Variants in PRKN observed in about 807,000 individuals in gnomAD.
The protein encoded by PRKN is parkin RBR E3 ubiquitin protein ligase.
In PRKN, 56 loss-of-function variants were observed where a neutral mutation model predicts 59.5. The ratio of observed to expected loss-of-function variants is 0.94; its 90% CI spans 0.76 to 1.18. The LOEUF (loss-of-function observed/expected upper bound fraction) is 1.18. Among genes scored for constraint, PRKN ranks in the 50% most tolerant of loss-of-function variants. The pLI is 0.00. For missense variants in PRKN, 657 were observed against 596.4 expected (o/e 1.10, Z -1.06); for synonymous variants, 250 against 222.1 (o/e 1.13, Z -1.12).
chr6:161,463,923 T>G lies in PRKN; in HGVS notation c.1084-77046A>C, dbSNP rs1172684751. On this transcript the variant is annotated intron_variant, in intron 9 of 11. Coordinates refer to ENST00000366898, the MANE Select transcript of PRKN (RefSeq NM_004562.3). This position sits in a 1 kb window ranked among gnomAD's most constrained non-coding sequence, Gnocchi z 4.8. Reference sequence around the variant, plus strand: ...CTCCATAGAGCTAGGATGGTAGACATCAACATACAGAGACCTTTAGGGTTT... The same window carrying G: ...CTCCATAGAGCTAGGATGGTAGACAGCAACATACAGAGACCTTTAGGGTTT... Among the ~76,000 whole-genome samples the G allele has an allele frequency of 6.6e-6, 1 of 152,220 alleles. No homozygotes were observed. Among genetic ancestry groups the G allele is most frequent in the Non-Finnish European group, 1.5e-5 (1 of 68,046 alleles).
At chr6:162,365,155 CA>C (rs927255049) in intron 2 of PRKN, among the ~76,000 whole-genome samples, 4 of 151,786 alleles carry the variant, frequency 2.6e-5, no homozygotes, top group African/African-American at 9.7e-5. Flanking sequence ...AAAAATCACA[CA>C]AAAGTGTATA....
intron 6 of PRKN, among the ~76,000 whole-genome samples, chr6:161,946,438 TCTCTCTCTCTCTC>T (rs1192524777): frequency 6.7e-6 from 1 of 150,192 alleles, no homozygotes; most frequent in African/African-American, 2.5e-5. Flanking sequence ...TCTCTCTCTC[TCTCTCTCTCTCTC>T]AATACAAAAG....
intron 7 of PRKN, among the ~76,000 whole-genome samples, chr6:161,675,516 G>T (rs761025601): frequency 2.6e-5 from 4 of 152,194 alleles, no homozygotes; most frequent in Non-Finnish European, 5.9e-5. Context: ...AAAACGCAAA[G>T]ACAACTGTGA....
In PRKN at chr6:161,372,344, C is replaced by T. The variant is rs548660837; in HGVS notation, c.1168-12139G>A. Among the ~76,000 whole-genome samples the T allele has an allele frequency of 6.6e-6, 1 of 152,266 alleles. No homozygotes were observed. The highest frequency in any genetic ancestry group is 1.5e-5 in the Non-Finnish European group (1 of 68,018). Reference sequence around the variant, plus strand: ...ATCCACATAGATGGGATTCTGAATGCGGAATCATCACTAATAGGATGTGAG... The same window carrying T: ...ATCCACATAGATGGGATTCTGAATGTGGAATCATCACTAATAGGATGTGAG... On this transcript the variant is annotated intron_variant, in intron 10 of 11. Coordinates refer to ENST00000366898, the MANE Select transcript of PRKN (RefSeq NM_004562.3). The surrounding 1 kb of genome is among the most constrained non-coding windows in gnomAD (Gnocchi z 4.2).
At chr6:162,244,385 A>G (rs527842236) in intron 3 of PRKN, among the ~76,000 whole-genome samples, 1 of 152,078 alleles carries the variant, frequency 6.6e-6, no homozygotes, top group Non-Finnish European at 1.5e-5. Flanking sequence ...CAGGGAAAAA[A>G]AAAGCTTTAG....
intron 2 of PRKN, among the ~76,000 whole-genome samples, chr6:162,363,810 T>C (rs1785278078): frequency 6.6e-6 from 1 of 152,172 alleles, no homozygotes; most frequent in Non-Finnish European, 1.5e-5. Flanking sequence ...CTTGCCAAGA[T>C]CAAAAGGTCC....
intron 4 of PRKN, among the ~76,000 whole-genome samples, chr6:162,158,732 C>G (rs1418951654): frequency 1.3e-5 from 2 of 151,942 alleles, no homozygotes; most frequent in African/African-American, 4.8e-5. Context: ...CGTCCAGCTG[C>G]TTGTTCCTCT....
intron 1 of PRKN, among the ~76,000 whole-genome samples, chr6:162,606,266 T>C (rs1781908797): frequency 6.6e-6 from 1 of 152,218 alleles, no homozygotes; most frequent in Non-Finnish European, 1.5e-5. Flanking sequence ...GTGAATTTAA[T>C]ACACATAACT....
chr6:161,825,212 A>T (rs904547063), intron 6 of PRKN, among the ~76,000 whole-genome samples: 1 of 152,206 alleles, frequency 6.6e-6, no homozygotes, highest in Non-Finnish European at 1.5e-5. Context: ...TATTAAAGGG[A>T]ATATCACACA....
At position 161,505,214 on chromosome 6, in the gene PRKN, A is replaced by T. The variant is rs1036669788; in HGVS notation, c.1083+43640T>A. On this transcript the variant is annotated intron_variant, in intron 9 of 11. Transcript: ENST00000366898. ...GTTTCCTGACTTTTTAATGATCGCCATTCTAACTGGTGTGAGATGATATCT... is the reference window on the plus strand; with the variant it reads ...GTTTCCTGACTTTTTAATGATCGCCTTTCTAACTGGTGTGAGATGATATCT... 6.6e-4 allele frequency among the ~76,000 whole-genome samples: 100 copies of T among 152,216 alleles called. 1 individual carries two copies. The highest frequency in any genetic ancestry group is 1.9e-4 in the Non-Finnish European group (13 of 68,040).
At chr6:161,961,820 G>C (rs141708978) in intron 6 of PRKN, among the ~76,000 whole-genome samples, 186 of 152,278 alleles carry the variant, frequency 1.2e-3, no homozygotes, top group African/African-American at 4.1e-3. Flanking sequence ...TGGTAGAAGA[G>C]GTATTAAAGA....
At chr6:161,902,550 T>TATCTGTCTATC (rs1554245408) in intron 6 of PRKN, among the ~76,000 whole-genome samples, 1 of 101,360 alleles carries the variant, frequency 9.9e-6, no homozygotes, top group South Asian at 3.7e-4. Context: ...ATCTATCTAT[T>TATCTGTCTATC]TATTTATTTA....
intron 7 of PRKN, among the ~76,000 whole-genome samples, chr6:161,737,685 C>T (rs1214262820): frequency 6.6e-6 from 1 of 152,226 alleles, no homozygotes; most frequent in Non-Finnish European, 1.5e-5. Context: ...AGTGGCAGGG[C>T]CTTGGACTGT....
intron 1 of PRKN, among the ~76,000 whole-genome samples, chr6:162,525,480 C>T (rs773703380): frequency 1.4e-4 from 21 of 152,326 alleles, no homozygotes; most frequent in Non-Finnish European, 4.4e-5. Flanking sequence ...CAAATCCCAC[C>T]TGCCCCGTGA....
chr6:161,751,969 A>C (rs1788713112), intron 7 of PRKN, among the ~76,000 whole-genome samples: 1 of 152,216 alleles, frequency 6.6e-6, no homozygotes, highest in African/African-American at 2.4e-5. Context: ...AGGATTAGCG[A>C]GGAGGCCTGT....
chr6:161,819,708 G>A (rs938591896), intron 6 of PRKN, among the ~76,000 whole-genome samples: 2 of 152,050 alleles, frequency 1.3e-5, no homozygotes, highest in African/African-American at 4.8e-5. Flanking sequence ...AAACACATTT[G>A]GTTTACATTC....
intron 4 of PRKN, among the ~76,000 whole-genome samples, chr6:162,183,698 G>T (rs1783897982): frequency 6.6e-6 from 1 of 152,164 alleles, no homozygotes; most frequent in African/African-American, 2.4e-5. Flanking sequence ...CTGACTGCAT[G>T]ACCAAGGCAA....
chr6:161,734,530 C>A (rs892688580), intron 7 of PRKN, among the ~76,000 whole-genome samples: 9 of 152,094 alleles, frequency 5.9e-5, no homozygotes, highest in African/African-American at 1.9e-4. Flanking sequence ...GGTACTCAGG[C>A]CTGGACTTGT....
intron 2 of PRKN, among the ~76,000 whole-genome samples, chr6:162,368,637 G>A: frequency 6.6e-6 from 1 of 152,124 alleles, no homozygotes. Flanking sequence ...TGCAAACACA[G>A]GCTGACTTCT....
Sources: gnomAD v4.1 joint callset for allele counts (sites outside exome capture counted in the v4.1 genomes callset) on GRCh38, gnomAD v4.1.1 for gene constraint, Gnocchi (gnomAD v3.1) non-coding constraint, MANE v1.5 for transcripts, NCBI Gene and HGNC (gene_info 2026-07-23, HGNC 2026-07-21) for gene names.